VEGFC: variants seen among roughly 807,000 people sequenced by gnomAD.
The protein encoded by VEGFC is FLT4 ligand DHM.
A neutral mutation model predicts 46.1 loss-of-function variants in VEGFC; 12 were observed. That is an observed-to-expected ratio of 0.26 (90% CI 0.17 to 0.42). The LOEUF is 0.42. VEGFC is among the 10% of genes least tolerant of loss of function. VEGFC has a pLI of 1.00. For synonymous variants in VEGFC, 232 were observed against 195.5 expected (o/e 1.19, Z -1.56); for missense variants, 488 against 529.4 (o/e 0.92, Z 0.77).
chr4:176,745,810 G>T (rs1467610828), intron 1 of VEGFC, among the ~76,000 whole-genome samples: 3 of 152,060 alleles, frequency 2.0e-5, no homozygotes, highest in African/African-American at 7.2e-5. Flanking sequence ...ATGTAGCATG[G>T]GAAACATAAG....
chr4:176,709,260 T>G (rs920085985), intron 4 of VEGFC, among the ~76,000 whole-genome samples: 1 of 152,150 alleles, frequency 6.6e-6, no homozygotes, highest in Non-Finnish European at 1.5e-5. Flanking sequence ...CTGCTGACCT[T>G]CTAGATGATT....
At chr4:176,782,054 T>G (rs1735926194) in intron 1 of VEGFC, among the ~76,000 whole-genome samples, 1 of 152,248 alleles carries the variant, frequency 6.6e-6, no homozygotes. Context: ...TTTTAACAAG[T>G]TGGAACCAAA....
intron 4 of VEGFC, among the ~76,000 whole-genome samples, chr4:176,696,715 CCCTA>C (rs891525246): frequency 1.4e-4 from 22 of 152,018 alleles, no homozygotes; most frequent in African/African-American, 5.3e-4. Flanking sequence ...GGAGGCATCA[CCCTA>C]CCTGACTTCA....
chr4:176,777,696 C>T (rs1410397660), intron 1 of VEGFC, among the ~76,000 whole-genome samples: 2 of 151,894 alleles, frequency 1.3e-5, no homozygotes, highest in Non-Finnish European at 2.9e-5. Flanking sequence ...CCGAGGCAGG[C>T]GGATCACAAG....
In VEGFC at chr4:176,792,515, G is replaced by C; in HGVS notation, c.-204C>G. 1 of 403,586 alleles carries C rather than the reference G, an allele frequency of 2.5e-6. No homozygotes were observed. 25.0% of individuals were successfully genotyped at this position (403,586 alleles called of 1,614,324 possible). On this transcript the variant is annotated 5_prime_UTR_variant, in exon 1 of 7. Transcript: ENST00000618562. This position sits in a 1 kb window ranked among gnomAD's most constrained non-coding sequence, Gnocchi z 6.3. ...GCAGGGCGCCCTCCCAGCCAGTGCCGGGGAAAGGCGGCGGGTGTCAGGTAA... is the reference window on the plus strand; with the variant it reads ...GCAGGGCGCCCTCCCAGCCAGTGCCCGGGAAAGGCGGCGGGTGTCAGGTAA...
intron 1 of VEGFC, among the ~76,000 whole-genome samples, chr4:176,749,883 C>T (rs922900577): frequency 2.0e-5 from 3 of 151,544 alleles, no homozygotes; most frequent in Non-Finnish European, 4.4e-5. Context: ...AACTGTCCCA[C>T]CATGTACTAT....
At chr4:176,687,759 A>AGAG in intron 5 of VEGFC, 62 bp downstream of exon 5, 1 of 1,196,956 alleles carries the variant, frequency 8.4e-7, no homozygotes, top group Non-Finnish European at 1.2e-6. Flanking sequence ...TTTTAATATT[A>AGAG]GAGTATGTTA....
At chr4:176,756,405 T>C (rs1392013274) in intron 1 of VEGFC, among the ~76,000 whole-genome samples, 1 of 151,964 alleles carries the variant, frequency 6.6e-6, no homozygotes, top group Non-Finnish European at 1.5e-5. Flanking sequence ...AGGGTCATGA[T>C]AGAAACTGGG....
chr4:176,700,994 A>G (rs1734421940), intron 4 of VEGFC, among the ~76,000 whole-genome samples: 1 of 152,230 alleles, frequency 6.6e-6, no homozygotes, highest in Non-Finnish European at 1.5e-5. Context: ...TTAGGGCAGT[A>G]AAAGTATTCT....
intron 1 of VEGFC, among the ~76,000 whole-genome samples, chr4:176,741,606 A>T (rs941740413): frequency 3.3e-5 from 5 of 151,948 alleles, no homozygotes; most frequent in Admixed American, 3.3e-4. Flanking sequence ...TATGGATAAT[A>T]AAAAAAGATA....
chr4:176,763,693 T>C (rs549084601), intron 1 of VEGFC, among the ~76,000 whole-genome samples: 25 of 152,274 alleles, frequency 1.6e-4, no homozygotes, highest in Admixed American at 3.3e-4. Context: ...GTAAATATTA[T>C]TACTACTTTC....
chr4:176,763,238 C>T (rs957014481), intron 1 of VEGFC, among the ~76,000 whole-genome samples: 1 of 151,986 alleles, frequency 6.6e-6, no homozygotes, highest in Non-Finnish European at 1.5e-5. Flanking sequence ...AATACAATTC[C>T]AAGGAAAAAG....
At chr4:176,773,442 ATAGT>A (rs1199132487) in intron 1 of VEGFC, among the ~76,000 whole-genome samples, 5 of 152,196 alleles carry the variant, frequency 3.3e-5, no homozygotes, top group Non-Finnish European at 7.3e-5. Context: ...TACTCTCAAA[ATAGT>A]TAGTGAAATC....
At chr4:176,736,317 T>C (rs540334352) in intron 1 of VEGFC, among the ~76,000 whole-genome samples, 17 of 151,954 alleles carry the variant, frequency 1.1e-4, no homozygotes, top group African/African-American at 3.9e-4. Context: ...TTGATTTATA[T>C]AACTTTAAAT....
chr4:176,744,364 A>T (rs942847107), intron 1 of VEGFC, among the ~76,000 whole-genome samples: 6 of 151,974 alleles, frequency 3.9e-5, no homozygotes, highest in Non-Finnish European at 8.8e-5. Flanking sequence ...GAAAAAAAAA[A>T]CCTATTTTCT....
At chr4:176,790,520 A>T (rs1234487040) in intron 1 of VEGFC, among the ~76,000 whole-genome samples, 1 of 88,086 alleles carries the variant, frequency 1.1e-5, no homozygotes, top group Non-Finnish European at 2.9e-5. Context: ...ATACCTATAC[A>T]TAACACACGT....
intron 1 of VEGFC, among the ~76,000 whole-genome samples, chr4:176,739,494 A>G (rs556659052): frequency 2.6e-5 from 4 of 152,046 alleles, no homozygotes; most frequent in Non-Finnish European, 4.4e-5. Flanking sequence ...ATGCAGGAGC[A>G]GAAAAGCAAA....
intron 1 of VEGFC, among the ~76,000 whole-genome samples, chr4:176,746,922 AATTT>A (rs1735266980): frequency 6.6e-6 from 1 of 152,128 alleles, no homozygotes; most frequent in Non-Finnish European, 1.5e-5. Flanking sequence ...CAGATGCAGA[AATTT>A]ACTCATTGCT....
Position 176,687,379 on chromosome 4 carries a change from A to G in VEGFC, c.953T>C (p.Val318Ala). ...KELDRNSCQC[V>A]CKNKLFPSQC... ...GCTGGGGAAGAGTTTGTTTTTACAG[A>G]CACACTGGCATGAGTTTCTGTCTAG... Residue 318 changes from valine to alanine, a missense_variant, in exon 6 of 7, where the codon GTC becomes GCC. By Grantham distance (64) the Val-to-Ala change is moderately conservative (BLOSUM62 0). Coordinates refer to ENST00000618562, the MANE Select transcript of VEGFC (RefSeq NM_005429.5). 1 of 1,614,114 alleles carries G rather than the reference A, an allele frequency of 6.2e-7. No individual in the cohort carries two copies. Among genetic ancestry groups the G allele is most frequent in the Non-Finnish European group, 8.5e-7 (1 of 1,180,014 alleles).
Sources: allele counts gnomAD v4.1 joint callset (sites outside exome capture counted in the v4.1 genomes callset), GRCh38; gene constraint gnomAD v4.1.1; non-coding constraint Gnocchi (gnomAD v3.1); transcripts MANE v1.5; gene names NCBI Gene and HGNC (gene_info 2026-07-23, HGNC 2026-07-21).